Variants in SMTNL2 observed in about 807,000 individuals in gnomAD.
SMTNL2 encodes smoothelin-like protein 2.
In SMTNL2, 43 loss-of-function variants were observed where a neutral mutation model predicts 44.1. The ratio of observed to expected loss-of-function variants is 0.98; its 90% CI spans 0.76 to 1.26. The LOEUF (loss-of-function observed/expected upper bound fraction) is 1.26, where lower values mean the gene tolerates loss of function less well. Ranked by LOEUF, SMTNL2 falls within the 50% of genes most tolerant of loss-of-function variation. The probability of loss-of-function intolerance (pLI) is 0.00; values close to 1 mark genes in which losing one functional copy is unlikely to be tolerated. For synonymous variants in SMTNL2, 317 were observed against 287.6 expected (o/e 1.10, Z -1.03); for missense variants, 646 against 670.2 (o/e 0.96, Z 0.40).
rs2150527881 is a variant in SMTNL2 at position 4,607,442 on chromosome 17, C to T, written c.1341C>T (p.Phe447=). The change falls in exon 8 of 8, where the codon TTC becomes TTT. Residue 447 remains phenylalanine (F), a synonymous_variant. Transcript: ENST00000389313. The surrounding 1 kb of genome is among the most constrained non-coding windows in gnomAD (Gnocchi z 4.7). ...GCAAGCCGGACCCCATGTGTGTCTT[C>T]ACCTACGTCCAGTCGCTGTACAACC... ...MGRKPDPMCV[F]TYVQSLYNHL... is the part of the protein sequence containing the mutation. The T allele has an allele frequency of 6.2e-7, 1 of 1,614,220 alleles. No homozygotes were observed. Among genetic ancestry groups the T allele is most frequent in the Non-Finnish European group, 8.5e-7 (1 of 1,180,040 alleles).
intron 7 of SMTNL2, among the ~76,000 whole-genome samples, chr17:4,599,823 G>C (rs1426698802): frequency 1.3e-5 from 2 of 152,210 alleles, no homozygotes; most frequent in African/African-American, 2.4e-5. Context: ...AGCTTGGTGG[G>C]GTGATGGGGA....
intron 1 of SMTNL2, among the ~76,000 whole-genome samples, chr17:4,590,434 G>C (rs1909525422): frequency 6.6e-6 from 1 of 152,108 alleles, no homozygotes; most frequent in Non-Finnish European, 1.5e-5. Context: ...TTCCTCTGCT[G>C]GGCTTCCAGG....
intron 7 of SMTNL2, among the ~76,000 whole-genome samples, chr17:4,604,995 A>C (rs1208070802): frequency 6.6e-6 from 1 of 151,428 alleles, no homozygotes; most frequent in East Asian, 2.0e-4. Context: ...GTGCTAAGGA[A>C]ATGGGCACAG....
intron 7 of SMTNL2, among the ~76,000 whole-genome samples, chr17:4,599,425 A>T (rs73973313): frequency 6.6e-6 from 1 of 152,092 alleles, no homozygotes; most frequent in African/African-American, 2.4e-5. Context: ...TCAGACTGTC[A>T]GAGGACACAG....
rs1199068267 is a variant in SMTNL2 at position 4,600,244 on chromosome 17, G to A, written c.1259+2921G>A. On this transcript the variant is annotated intron_variant, in intron 7 of 7. Coordinates refer to ENST00000389313, the MANE Select transcript of SMTNL2 (RefSeq NM_001114974.2). This position sits in a 1 kb window ranked among gnomAD's most constrained non-coding sequence, Gnocchi z 4.7. ...AGAAGAGCTGGCAGGAAAGCGCAGGGACACCTGCCTGAGGGTACTAGCTGT... is the reference window on the plus strand; with the variant it reads ...AGAAGAGCTGGCAGGAAAGCGCAGGAACACCTGCCTGAGGGTACTAGCTGT... 2.0e-5 allele frequency among the ~76,000 whole-genome samples: 3 copies of A among 152,208 alleles called. No individual in the cohort carries two copies. Among genetic ancestry groups the A allele is most frequent in the Non-Finnish European group, 4.4e-5 (3 of 68,032 alleles).
chr17:4,596,634 G>C (rs569297268), intron 5 of SMTNL2, among the ~76,000 whole-genome samples: 1 of 152,284 alleles, frequency 6.6e-6, no homozygotes, highest in Admixed American at 6.5e-5. Context: ...GGGTGTGGAC[G>C]GTCCTGCCAC....
Position 4,592,560 on chromosome 17 carries a change from C to T in SMTNL2, c.487+112C>T. On this transcript the variant is annotated intron_variant, in intron 2 of 7. Transcript: ENST00000389313. The surrounding 1 kb of genome is among the most constrained non-coding windows in gnomAD (Gnocchi z 4.5). Reference sequence around the variant, plus strand: ...TGGCCTGGCATCGGGGGGACTCTATCCTGAACCCCAGCAGGGAGAGAGGCT... The same window carrying T: ...TGGCCTGGCATCGGGGGGACTCTATTCTGAACCCCAGCAGGGAGAGAGGCT... 1 of 974,920 alleles carries T rather than the reference C, an allele frequency of 1.0e-6. No individual in the cohort carries two copies. The highest frequency in any genetic ancestry group is 1.5e-6 in the Non-Finnish European group (1 of 662,996). The allele number at this position is 974,920 out of a possible 1,614,324, so 60.4% of individuals were successfully genotyped here. A position where few individuals can be genotyped will look rare whatever the true frequency, so the allele number is the denominator to read the frequency against.
intron 7 of SMTNL2, among the ~76,000 whole-genome samples, chr17:4,599,817 T>C (rs538768206): frequency 4.6e-5 from 7 of 152,262 alleles, no homozygotes; most frequent in African/African-American, 1.4e-4. Context: ...ATTCCCAGCT[T>C]GGTGGGGTGA....
intron 1 of SMTNL2, among the ~76,000 whole-genome samples, chr17:4,591,901 C>T (rs756068272): frequency 2.0e-5 from 3 of 152,242 alleles, no homozygotes; most frequent in African/African-American, 4.8e-5. Flanking sequence ...AAGATCTCAT[C>T]GTGATCAGGG....
intron 7 of SMTNL2, among the ~76,000 whole-genome samples, chr17:4,604,877 G>C (rs1910204404): frequency 6.6e-6 from 1 of 151,774 alleles, no homozygotes; most frequent in Non-Finnish European, 1.5e-5. Context: ...CACCATGTTG[G>C]TCAGGCTGGT....
intron 4 of SMTNL2, 31 bp downstream of exon 4, chr17:4,593,928 G>GCTGCGCCCCAGGTGTCTTCT: frequency 1.6e-5 from 26 of 1,609,900 alleles, no homozygotes; most frequent in Non-Finnish European, 2.1e-5. Context: ...CTGTGGGGTC[G>GCTGCGCCCCAGGTGTCTTCT]CTGCGCCCCA....
intron 1 of SMTNL2, among the ~76,000 whole-genome samples, chr17:4,588,561 A>G (rs1909438320): frequency 6.6e-6 from 1 of 152,184 alleles, no homozygotes; most frequent in East Asian, 1.9e-4. Flanking sequence ...CCCCCATCAA[A>G]GGAGAGCAGT....
rs373423952 is a variant in SMTNL2, at chr17:4,608,015, C to G, written c.*528C>G. 6.6e-6 allele frequency: 1 copy of G among 152,306 alleles called. No homozygotes were observed. The highest frequency in any genetic ancestry group is 1.5e-5 in the Non-Finnish European group (1 of 68,168). The allele number at this position is 152,306 out of a possible 1,614,324, so 9.4% of individuals were successfully genotyped here. A position where few individuals can be genotyped will look rare whatever the true frequency, so the allele number is the denominator to read the frequency against. ...GAAGACCTCAAGTCTTGGGAAGAAA[C>G]AGTTTAATCACTCCCAAGTCCTGGG... On this transcript the variant is annotated 3_prime_UTR_variant, in exon 8 of 8. Transcript: ENST00000389313.
chr17:4,598,602 T>A lies in SMTNL2; in HGVS notation c.1259+1279T>A, dbSNP rs12602502. On this transcript the variant is annotated intron_variant, in intron 7 of 7. Coordinates refer to ENST00000389313, the MANE Select transcript of SMTNL2 (RefSeq NM_001114974.2). This position sits in a 1 kb window ranked among gnomAD's most constrained non-coding sequence, Gnocchi z 4.8. ...ACTTTGGGAGGCCAAGGCGGGTGGA[T>A]TGCCTGAGCTCAGGAGTTCGAGACC... 0.19 allele frequency among the ~76,000 whole-genome samples: 28,624 copies of A among 152,022 alleles called. 3,421 individuals are homozygous for A. Among genetic ancestry groups the A allele is most frequent in the East Asian group, 0.61 (3,122 of 5,142 alleles).
Position 4,584,744 on chromosome 17 carries a change from G to T in SMTNL2, c.139G>T (p.Ala47Ser). 7.6e-7 allele frequency: 1 copy of T among 1,308,860 alleles called. No individual in the cohort carries two copies. The highest frequency in any genetic ancestry group is 2.1e-5 in the South Asian group (1 of 47,860). 81.1% of individuals were successfully genotyped at this position (1,308,860 alleles called of 1,614,324 possible). Reference protein sequence around the residue: ...GLQRGVERRVAEAMRLAGPLA... With the variant: ...GLQRGVERRVSEAMRLAGPLA... ...GCAGCGCGGCGTGGAGCGGCGAGTG[G>T]CAGAGGCGATGCGCCTGGCCGGCCC... The change falls in exon 1 of 8, where the codon GCA becomes TCA. Residue 47 changes from alanine to serine, a missense_variant. Transcript: ENST00000389313.
At position 4,592,546 on chromosome 17, in the gene SMTNL2, C is replaced by T. The variant is rs571691851; in HGVS notation, c.487+98C>T. 26 of 1,125,936 alleles carry T rather than the reference C, an allele frequency of 2.3e-5. No homozygotes were observed. The highest frequency in any genetic ancestry group is 1.7e-4 in the African/African-American group (11 of 64,414). 69.7% of individuals were successfully genotyped at this position (1,125,936 alleles called of 1,614,324 possible). On this transcript the variant is annotated intron_variant, in intron 2 of 7. Coordinates refer to ENST00000389313, the MANE Select transcript of SMTNL2 (RefSeq NM_001114974.2). This position sits in a 1 kb window ranked among gnomAD's most constrained non-coding sequence, Gnocchi z 4.5. ...GCCAGGCTGGCCCTTGGCCTGGCAT[C>T]GGGGGGACTCTATCCTGAACCCCAG...
At chr17:4,590,399 T>G (rs919194962) in intron 1 of SMTNL2, among the ~76,000 whole-genome samples, 15 of 152,140 alleles carry the variant, frequency 9.9e-5, no homozygotes, top group African/African-American at 3.1e-4. Flanking sequence ...TGTGGGGGCC[T>G]CATCCCAGGG....
chr17:4,586,675 C>T (rs549648865), intron 1 of SMTNL2, among the ~76,000 whole-genome samples: 7 of 152,196 alleles, frequency 4.6e-5, no homozygotes, highest in East Asian at 3.9e-4. Context: ...AAGCCCTCTT[C>T]GGGGTGGATG....
At position 4,598,509 on chromosome 17, in the gene SMTNL2, AGTCCTCAGTGCCCACATTTAAGAGTG is replaced by A. The variant is rs2150523803; in HGVS notation, c.1259+1192_1259+1217del. 6.6e-6 allele frequency among the ~76,000 whole-genome samples: 1 copy of A among 152,254 alleles called. No individual in the cohort carries two copies. The highest frequency in any genetic ancestry group is 2.1e-4 in the South Asian group (1 of 4,820). ...ACCGACCTTGTTTGTTTCTGGTCTGAGTCCTCAGTGCCCACATTTAAGAGTGGTCCTTGGCCGGGCACGGTGGCTCC... is the reference window on the plus strand; with the variant it reads ...ACCGACCTTGTTTGTTTCTGGTCTGAGTCCTTGGCCGGGCACGGTGGCTCC... On this transcript the variant is annotated intron_variant, in intron 7 of 7. Transcript: ENST00000389313. The surrounding 1 kb of genome is among the most constrained non-coding windows in gnomAD (Gnocchi z 4.8).
Sources: allele counts gnomAD v4.1 joint callset (sites outside exome capture counted in the v4.1 genomes callset), GRCh38; gene constraint gnomAD v4.1.1; non-coding constraint Gnocchi (gnomAD v3.1); transcripts MANE v1.5; gene names NCBI Gene and HGNC (gene_info 2026-07-23, HGNC 2026-07-21).